The following CFAP70 variants were observed in gnomAD, a reference collection of about 807,000 sequenced individuals.
CFAP70 encodes the protein cilia- and flagella-associated protein 70.
CFAP70 carries 81 observed loss-of-function variants against 137.6 expected under a neutral mutation model. The ratio of observed to expected loss-of-function variants is 0.59; its 90% CI spans 0.49 to 0.71. The LOEUF (loss-of-function observed/expected upper bound fraction) is 0.71. CFAP70 is among the 30% of genes least tolerant of loss of function. The probability of loss-of-function intolerance (pLI) is 0.00; values close to 1 mark genes in which losing one functional copy is unlikely to be tolerated. For synonymous variants in CFAP70, 382 were observed against 423.6 expected (o/e 0.90, Z 1.20); for missense variants, 976 against 1,226.7 (o/e 0.80, Z 3.05).
chr10:73,335,613 C>T (rs2052565509), intron 6 of CFAP70, 89 bp from the exon 8 acceptor site: 2 of 853,480 alleles, frequency 2.3e-6, no homozygotes, highest in East Asian at 2.7e-5. Context: ...TGGATTTGTT[C>T]ACAATACTTT....
At position 73,259,134 on chromosome 10, in the gene CFAP70, C is replaced by T. The variant is rs188963584; in HGVS notation, c.3028-2718G>A. Among the ~76,000 whole-genome samples the T allele has an allele frequency of 1.3e-4, 20 of 152,204 alleles. No homozygotes were observed. The East Asian group carries it at 3.7e-3, about 28-fold the overall frequency. On this transcript the variant is annotated intron_variant, in intron 25 of 26. Coordinates refer to ENST00000310715, the Ensembl canonical transcript of CFAP70. ...GTGGCTTGGGGCATCACGGAACCTG[C>T]CGATGTGTGATGTCTCCCCTGGACA...
chr10:73,331,665 G>A (rs1310212229), intron 7 of CFAP70, among the ~76,000 whole-genome samples: 3 of 152,078 alleles, frequency 2.0e-5, no homozygotes, highest in Admixed American at 6.6e-5. Context: ...CTGGGCCACC[G>A]TGAGACCCTG....
intron 19 of CFAP70, among the ~76,000 whole-genome samples, chr10:73,279,560 A>AATAC (rs1244587554): frequency 2.1e-5 from 3 of 142,014 alleles, no homozygotes; most frequent in Admixed American, 6.8e-5. Context: ...TAAATAAATA[A>AATAC]ATAAATAAAT....
intron 5 of CFAP70, among the ~76,000 whole-genome samples, chr10:73,344,416 A>G (rs1230883635): frequency 6.6e-6 from 1 of 152,256 alleles, no homozygotes; most frequent in Non-Finnish European, 1.5e-5. Flanking sequence ...TCTGCCTCAT[A>G]TAACTATGTG....
chr10:73,288,252 A>G (rs558856747), intron 19 of CFAP70, among the ~76,000 whole-genome samples: 19 of 152,230 alleles, frequency 1.2e-4, no homozygotes, highest in Non-Finnish European at 2.1e-4. Context: ...CATGCGGGGG[A>G]AAAAGGCAAA....
chr10:73,355,416 G>A (rs558129984), intron 1 of CFAP70, among the ~76,000 whole-genome samples: 1 of 152,282 alleles, frequency 6.6e-6, no homozygotes, highest in South Asian at 2.1e-4. Flanking sequence ...CCCCAGATAG[G>A]ACTGTCTAGC....
At chr10:73,316,167 G>T (rs2050316878) in intron 9 of CFAP70, among the ~76,000 whole-genome samples, 1 of 151,928 alleles carries the variant, frequency 6.6e-6, no homozygotes, top group African/African-American at 2.4e-5. Context: ...TGTTTCCATA[G>T]TATATCTTTT....
chr10:73,270,147 G>A (rs1273466905), intron 24 of CFAP70, among the ~76,000 whole-genome samples: 1 of 152,028 alleles, frequency 6.6e-6, no homozygotes, highest in Non-Finnish European at 1.5e-5. Flanking sequence ...CTTTTCTTGA[G>A]GTAAAAATCT....
intron 12 of CFAP70, among the ~76,000 whole-genome samples, chr10:73,301,539 T>C (rs2048955265): frequency 6.6e-6 from 1 of 152,008 alleles, no homozygotes; most frequent in South Asian, 2.1e-4. Context: ...GATTCCAGAG[T>C]TGGCAAATCT....
intron 1 of CFAP70, among the ~76,000 whole-genome samples, chr10:73,355,091 G>C (rs2054565886): frequency 6.6e-6 from 1 of 152,116 alleles, no homozygotes; most frequent in Non-Finnish European, 1.5e-5. Flanking sequence ...AGACAAAGTA[G>C]GAACACCTTG....
Position 73,335,048 on chromosome 10 carries a change from T to TTTC in CFAP70, c.677+379_677+381dup, listed in dbSNP as rs761566030. Among the ~76,000 whole-genome samples the TTTC allele has an allele frequency of 8.4e-4, 123 of 146,556 alleles. 3 individuals are homozygous for TTTC. Among genetic ancestry groups the TTTC allele is most frequent in the East Asian group, 2.9e-3 (14 of 4,894 alleles). On this transcript the variant is annotated intron_variant, in intron 7 of 26. Coordinates refer to ENST00000310715, the Ensembl canonical transcript of CFAP70. ...CAGGTACGTATCTGCACCAAACTAA[T>TTTC]TTCTTCTTCTTCTTTTTTTTTTTTT...
chr10:73,306,806 C>T (rs1204334510), intron 12 of CFAP70, among the ~76,000 whole-genome samples: 6 of 152,224 alleles, frequency 3.9e-5, no homozygotes, highest in East Asian at 3.9e-4. Context: ...AAAATTAAGA[C>T]AGTTTGATAA....
At chr10:73,330,013 G>A (rs533320807) in intron 8 of CFAP70, among the ~76,000 whole-genome samples, 12 of 152,186 alleles carry the variant, frequency 7.9e-5, no homozygotes, top group East Asian at 3.9e-4. Flanking sequence ...TTTTAACAGC[G>A]TTTTAAATGG....
chr10:73,302,710 GAAATAGTTTAGT>G (rs2049042115), intron 12 of CFAP70, among the ~76,000 whole-genome samples: 1 of 152,022 alleles, frequency 6.6e-6, no homozygotes, highest in Non-Finnish European at 1.5e-5. Context: ...TTTTATTACG[GAAATAGTTTAGT>G]TTCTTTTCAT....
At chr10:73,354,834 C>A (rs1267735004) in exon 2 of CFAP70, 1 of 1,588,486 alleles carries the variant, frequency 6.3e-7, no homozygotes, top group Admixed American at 1.7e-5. Context: ...TTTCTTTGGT[C>A]TCTGTAAACA....
intron 20 of CFAP70, 77 bp from the exon 22 acceptor site, chr10:73,277,438 G>A: frequency 1.3e-6 from 2 of 1,526,938 alleles, no homozygotes; most frequent in South Asian, 2.4e-5. Context: ...CATTCGGGTG[G>A]GTGCGGTGGC....
chr10:73,264,893 A>G (rs186622448), intron 25 of CFAP70, among the ~76,000 whole-genome samples: 22 of 152,272 alleles, frequency 1.4e-4, no homozygotes, highest in Non-Finnish European at 2.9e-4. Context: ...CATTGTCCCA[A>G]AAGTCAGAAC....
At chr10:73,331,254 A>C (rs1194483011) in exon 8 of CFAP70, 1 of 1,613,454 alleles carries the variant, frequency 6.2e-7, no homozygotes, top group East Asian at 2.2e-5. Context: ...CAAAGCCGGC[A>C]ATCGGCAATT....
intron 19 of CFAP70, among the ~76,000 whole-genome samples, chr10:73,289,844 G>A (rs1028035674): frequency 6.6e-6 from 1 of 151,892 alleles, no homozygotes; most frequent in African/African-American, 2.4e-5. Context: ...TCAGGCATTC[G>A]AGGCCAGCCT....
Sources: allele counts gnomAD v4.1 joint callset (sites outside exome capture counted in the v4.1 genomes callset), GRCh38; gene constraint gnomAD v4.1.1; transcripts MANE v1.5; gene names NCBI Gene and HGNC (gene_info 2026-07-23, HGNC 2026-07-21).